CNTN4: variants seen among roughly 807,000 people sequenced by gnomAD.
CNTN4 encodes contactin 4, also known as contactin-4.
In CNTN4, 77 loss-of-function variants were observed where a neutral mutation model predicts 122.5. The observed-to-expected ratio is 0.63, with a 90% CI of 0.52 to 0.76. The LOEUF is 0.76. CNTN4 is among the 30% of genes least tolerant of loss of function. The pLI is 0.00. For missense variants in CNTN4, 1,256 were observed against 1,259.1 expected (o/e 1.00, Z 0.04); for synonymous variants, 512 against 447.0 (o/e 1.15, Z -1.83).
intron 8 of CNTN4, among the ~76,000 whole-genome samples, chr3:2,867,735 A>T (rs980151963): frequency 6.6e-6 from 1 of 151,596 alleles, no homozygotes; most frequent in African/African-American, 2.4e-5. Flanking sequence ...TCACCCTGCC[A>T]CCCAACCATG....
At chr3:2,268,981 G>A (rs971375605) in intron 2 of CNTN4, among the ~76,000 whole-genome samples, 1 of 152,184 alleles carries the variant, frequency 6.6e-6, no homozygotes, top group East Asian at 1.9e-4. Context: ...CCACAAGGTG[G>A]CAGGGAGTCC....
At chr3:2,994,547 G>C (rs575908020) in intron 14 of CNTN4, among the ~76,000 whole-genome samples, 1 of 149,980 alleles carries the variant, frequency 6.7e-6, no homozygotes, top group South Asian at 2.1e-4. Context: ...AGTGCTCATT[G>C]TTCACCCCAT....
At chr3:2,521,351 A>ACCCCCCCCCCCC (rs770856406) in intron 3 of CNTN4, among the ~76,000 whole-genome samples, 6 of 115,196 alleles carry the variant, frequency 5.2e-5, no homozygotes, top group African/African-American at 2.0e-4. Context: ...CATCCCCCCC[A>ACCCCCCCCCCCC]CCCCCCGCAA....
At chr3:2,848,791 T>C (rs759166676) in intron 7 of CNTN4, among the ~76,000 whole-genome samples, 1 of 152,228 alleles carries the variant, frequency 6.6e-6, no homozygotes, top group Non-Finnish European at 1.5e-5. Context: ...ACTTGAGTCA[T>C]ATGCCCACTC....
At chr3:2,768,099 C>T (rs191136426) in intron 6 of CNTN4, among the ~76,000 whole-genome samples, 14 of 152,186 alleles carry the variant, frequency 9.2e-5, no homozygotes, top group South Asian at 8.3e-4. Flanking sequence ...ATCTGTGGAG[C>T]CTTCATATTT....
chr3:2,821,588 A>G (rs2092875130), intron 7 of CNTN4, among the ~76,000 whole-genome samples: 1 of 152,196 alleles, frequency 6.6e-6, no homozygotes, highest in African/African-American at 2.4e-5. Context: ...ATGCCCTGGA[A>G]AATATCATAA....
At chr3:3,017,012 G>A (rs1452266338) in intron 14 of CNTN4, among the ~76,000 whole-genome samples, 1 of 152,124 alleles carries the variant, frequency 6.6e-6, no homozygotes, top group African/African-American at 2.4e-5. Context: ...ATACTATGTG[G>A]CTGTGCCTCT....
chr3:2,324,308 T>C (rs1250320117), intron 2 of CNTN4, among the ~76,000 whole-genome samples: 3 of 152,054 alleles, frequency 2.0e-5, no homozygotes, highest in African/African-American at 7.2e-5. Context: ...AGCATTTTCT[T>C]CCCATGGCAT....
intron 2 of CNTN4, among the ~76,000 whole-genome samples, chr3:2,254,991 C>G (rs780012043): frequency 1.3e-5 from 2 of 151,986 alleles, no homozygotes; most frequent in Admixed American, 6.6e-5. Context: ...ATTGCCTAGG[C>G]TTTCTTCTGT....
chr3:2,707,790 C>A (rs2086833380), intron 4 of CNTN4, among the ~76,000 whole-genome samples: 1 of 152,048 alleles, frequency 6.6e-6, no homozygotes, highest in Admixed American at 6.6e-5. Flanking sequence ...CATACCACCA[C>A]ACCTGGCTCT....
At chr3:2,453,209 C>T (rs2048891591) in intron 3 of CNTN4, among the ~76,000 whole-genome samples, 1 of 151,336 alleles carries the variant, frequency 6.6e-6, no homozygotes, top group Admixed American at 6.6e-5. Context: ...AAAAAAAAGT[C>T]AATCAAGTCA....
At chr3:2,645,217 A>G (rs1430965560) in intron 4 of CNTN4, among the ~76,000 whole-genome samples, 1 of 151,776 alleles carries the variant, frequency 6.6e-6, no homozygotes, top group East Asian at 1.9e-4. Context: ...GCTCTGGGGA[A>G]AAAAAAAGCC....
chr3:3,047,423 C>G (rs1245817658), intron 23 of CNTN4, among the ~76,000 whole-genome samples: 1 of 152,162 alleles, frequency 6.6e-6, no homozygotes, highest in Non-Finnish European at 1.5e-5. Flanking sequence ...TTACAACAAA[C>G]TGTCTCTCAG....
At chr3:2,101,513 A>G (rs1394443920) in intron 2 of CNTN4, among the ~76,000 whole-genome samples, 3 of 152,020 alleles carry the variant, frequency 2.0e-5, no homozygotes, top group Non-Finnish European at 2.9e-5. Context: ...GAATAAGTCT[A>G]TTTCATATGA....
intron 7 of CNTN4, among the ~76,000 whole-genome samples, chr3:2,856,090 A>G (rs1054825831): frequency 6.6e-6 from 1 of 152,188 alleles, no homozygotes; most frequent in African/African-American, 2.4e-5. Flanking sequence ...CTGTTGCTCC[A>G]GGAAACTTCT....
At chr3:2,322,944 G>A (rs1171492499) in intron 2 of CNTN4, among the ~76,000 whole-genome samples, 1 of 152,046 alleles carries the variant, frequency 6.6e-6, no homozygotes. Flanking sequence ...TCACATTGAT[G>A]GAATACTGGA....
At chr3:2,334,999 T>C (rs772139278) in intron 2 of CNTN4, among the ~76,000 whole-genome samples, 8 of 152,166 alleles carry the variant, frequency 5.3e-5, no homozygotes, top group Non-Finnish European at 8.8e-5. Flanking sequence ...ACCTAGACCT[T>C]GCCAGCTGCT....
At chr3:2,724,354 T>A (rs1043984309) in intron 4 of CNTN4, among the ~76,000 whole-genome samples, 8 of 152,162 alleles carry the variant, frequency 5.3e-5, no homozygotes, top group Non-Finnish European at 8.8e-5. Flanking sequence ...TACATTGTGT[T>A]CTCATTCCCA....
intron 3 of CNTN4, among the ~76,000 whole-genome samples, chr3:2,447,261 A>C (rs191036140): frequency 8.6e-4 from 131 of 152,334 alleles, no homozygotes; most frequent in African/African-American, 3.1e-3. Context: ...TGAATGTAAC[A>C]GATTCCAAGT....
Sources: gnomAD v4.1 joint callset for allele counts (sites outside exome capture counted in the v4.1 genomes callset) on GRCh38, gnomAD v4.1.1 for gene constraint, MANE v1.5 for transcripts, NCBI Gene and HGNC (gene_info 2026-07-23, HGNC 2026-07-21) for gene names.